Variants in ADAT1 observed in about 807,000 individuals in gnomAD.
The protein encoded by ADAT1 is adenosine deaminase tRNA specific 1.
In ADAT1, 58 loss-of-function variants were observed where a neutral mutation model predicts 58.6. The ratio of observed to expected loss-of-function variants is 0.99; its 90% confidence interval spans 0.80 to 1.23. The LOEUF (loss-of-function observed/expected upper bound fraction) is 1.23. Ranked by LOEUF, ADAT1 falls within the 50% of genes most tolerant of loss-of-function variation. The pLI, the probability that ADAT1 is intolerant of heterozygous loss-of-function variation, is 0.00. For synonymous variants in ADAT1, 254 were observed against 220.8 expected (o/e 1.15, Z -1.33); for missense variants, 741 against 608.6 (o/e 1.22, Z -2.29).
chr16:75,618,625 T>G lies in ADAT1; in HGVS notation c.254A>C (p.Asp85Ala), dbSNP rs1281224144. 1 of 1,612,706 alleles carries G rather than the reference T, an allele frequency of 6.2e-7. No homozygotes were observed. Among genetic ancestry groups the G allele is most frequent in the South Asian group, 1.1e-5 (1 of 90,982 alleles). The change falls in exon 4 of 10, where the codon GAT becomes GCT. Residue 85 changes from aspartate to alanine, a missense_variant. Physicochemically the swap from Asp to Ala is moderately radical, Grantham distance 126 (BLOSUM62 -2). Transcript: ENST00000564657. ...KMRKNGDILN[D>A]SHAEVIARRS... Reference sequence around the variant, plus strand: ...TCTGGCTATGACCTCAGCATGGCTATCATTGAGGATGTCTCCTGCGGCAAA... The same window carrying G: ...TCTGGCTATGACCTCAGCATGGCTAGCATTGAGGATGTCTCCTGCGGCAAA...
intron 8 of ADAT1, among the ~76,000 whole-genome samples, chr16:75,607,572 A>T (rs2081404692): frequency 1.3e-5 from 2 of 152,156 alleles, no homozygotes; most frequent in Admixed American, 1.3e-4. Context: ...TAAAAAAGAC[A>T]ATAACAAGTG....
At position 75,600,200 on chromosome 16, in the gene ADAT1, A is replaced by G; in HGVS notation, c.*16T>C. The G allele has an allele frequency of 6.2e-7, 1 of 1,613,982 alleles. No individual in the cohort carries two copies. Among genetic ancestry groups the G allele is most frequent in the Non-Finnish European group, 8.5e-7 (1 of 1,179,846 alleles). The stretch of plus-strand genomic sequence containing the variant: ...TCAGGATGAAGGGTCCTGCTACCAG[A>G]GCAAACATTTCCTTCTCACTTGAAC... On this transcript the variant is annotated 3_prime_UTR_variant, in exon 10 of 10. Transcript: ENST00000564657.
intron 3 of ADAT1, among the ~76,000 whole-genome samples, chr16:75,619,458 G>T (rs1460909032): frequency 6.6e-6 from 1 of 151,940 alleles, no homozygotes; most frequent in African/African-American, 2.4e-5. Flanking sequence ...GATCACTTGA[G>T]CCCAGGAGTT....
chr16:75,606,116 C>A (rs1567466979), intron 8 of ADAT1, among the ~76,000 whole-genome samples: 1 of 151,800 alleles, frequency 6.6e-6, no homozygotes, highest in Non-Finnish European at 1.5e-5. Context: ...CAATCCTCCA[C>A]CTCAGCCTCC....
chr16:75,603,560 C>T (rs1041546178), intron 8 of ADAT1, among the ~76,000 whole-genome samples: 1 of 152,164 alleles, frequency 6.6e-6, no homozygotes, highest in African/African-American at 2.4e-5. Flanking sequence ...CCTGTGTGAA[C>T]TGTCATTATA....
intron 5 of ADAT1, among the ~76,000 whole-genome samples, chr16:75,615,027 C>G (rs144529686): frequency 3.1e-4 from 47 of 152,172 alleles, no homozygotes; most frequent in African/African-American, 8.9e-4. Context: ...GAGTTCGAGA[C>G]CAGCCTGGCC....
At chr16:75,603,453 T>C (rs2081279644) in intron 8 of ADAT1, among the ~76,000 whole-genome samples, 1 of 152,192 alleles carries the variant, frequency 6.6e-6, no homozygotes, top group Non-Finnish European at 1.5e-5. Flanking sequence ...CCCCAGGATA[T>C]CTGTAAGACA....
intron 6 of ADAT1, 112 bp from the exon 7 acceptor site, chr16:75,609,100 T>C: frequency 7.8e-7 from 1 of 1,284,724 alleles, no homozygotes; most frequent in East Asian, 2.4e-5. Flanking sequence ...GGGATTTGTT[T>C]ATTTATTTGG....
intron 4 of ADAT1, 116 bp from the exon 5 acceptor site, chr16:75,617,388 G>A: frequency 8.7e-7 from 1 of 1,146,246 alleles, no homozygotes; most frequent in Non-Finnish European, 1.2e-6. Context: ...TGGTAGTGAT[G>A]GGGAATTATG....
intron 3 of ADAT1, chr16:75,619,719 T>C (rs534427495): frequency 1.4e-5 from 6 of 420,164 alleles, no homozygotes; most frequent in South Asian, 1.0e-4. Context: ...AAGACTAGCT[T>C]GGCCAGCATG....
At chr16:75,620,058 A>T (rs554360654) in intron 3 of ADAT1, among the ~76,000 whole-genome samples, 13 of 152,318 alleles carry the variant, frequency 8.5e-5, no homozygotes, top group African/African-American at 3.1e-4. Flanking sequence ...ACTTTCAGTT[A>T]TTCGGAAAGC....
rs747318492 is a variant in ADAT1 at position 75,620,267 on chromosome 16, G to A, written c.237C>T (p.Asn79=). 4.1e-5 allele frequency: 66 copies of A among 1,613,918 alleles called. 1 individual carries two copies. In the South Asian group the frequency reaches 6.1e-4, roughly 15 times the overall value. ...KCIGQSKMRK[N]GDILNDSHAE... ...GTTTAGATTCCCACCCGTGCTTACC[G>A]TTCTTCCTCATTTTGGACTGTCCTA... Residue 79 remains asparagine (N), a splice_region_variant and synonymous_variant, in exon 3 of 10, where the codon AAC becomes AAT. Coordinates refer to ENST00000564657, the MANE Select transcript of ADAT1 (RefSeq NM_001324445.2).
chr16:75,621,563 A>G (rs2081930495), intron 1 of ADAT1, among the ~76,000 whole-genome samples: 1 of 152,332 alleles, frequency 6.6e-6, no homozygotes, highest in East Asian at 1.9e-4. Context: ...TGAGGGTTAA[A>G]TAAGTAATAC....
intron 6 of ADAT1, among the ~76,000 whole-genome samples, chr16:75,610,095 C>G (rs558146613): frequency 6.6e-6 from 1 of 152,158 alleles, no homozygotes; most frequent in Non-Finnish European, 1.5e-5. Context: ...ATTTCTTTCA[C>G]TTAGCATTAT....
At chr16:75,617,926 A>T (rs924303783) in intron 4 of ADAT1, among the ~76,000 whole-genome samples, 1 of 150,520 alleles carries the variant, frequency 6.6e-6, no homozygotes, top group Non-Finnish European at 1.5e-5. Flanking sequence ...GTCTTTAAAA[A>T]AAAAAAAAAA....
At position 75,611,191 on chromosome 16, in the gene ADAT1, T is replaced by C. The variant is rs188318966; in HGVS notation, c.1043+1052A>G. Among the ~76,000 whole-genome samples the C allele has an allele frequency of 3.9e-5, 6 of 152,206 alleles. No individual in the cohort carries two copies. The East Asian group carries it at 9.6e-4, about 24-fold the overall frequency. ...ATATAATGGCAATGTATGTGCACTG[T>C]AGAAAAATCAGAAAATATATTAAAA... On this transcript the variant is annotated intron_variant, in intron 6 of 9. Transcript: ENST00000564657.
Position 75,597,506 on chromosome 16 carries a change from G to T in ADAT1, c.*2710C>A. 1 of 367,896 alleles carries T rather than the reference G, an allele frequency of 2.7e-6. No homozygotes were observed. The highest frequency in any genetic ancestry group is 3.2e-5 in the Admixed American group (1 of 31,426). 22.8% of individuals were successfully genotyped at this position (367,896 alleles called of 1,614,324 possible). On this transcript the variant is annotated 3_prime_UTR_variant, in exon 10 of 10. Transcript: ENST00000564657. Reference sequence around the variant, plus strand: ...GGCACCAGGGACTGGTTTCATGGAAGATAATTTTTCCACAGATCCGGGGTG... The same window carrying T: ...GGCACCAGGGACTGGTTTCATGGAATATAATTTTTCCACAGATCCGGGGTG...
Position 75,600,294 on chromosome 16 carries a change from C to T in ADAT1, c.1431G>A (p.Gln477=), listed in dbSNP as rs75248264. 755 of 1,614,136 alleles carry T rather than the reference C, an allele frequency of 4.7e-4. 7 individuals carry two copies. In the East Asian group the frequency reaches 0.016, roughly 34 times the overall value. The change falls in exon 10 of 10, where the codon CAG becomes CAA. Residue 477 remains glutamine, a synonymous_variant. Coordinates refer to ENST00000564657, the MANE Select transcript of ADAT1 (RefSeq NM_001324445.2). ...GCTTCCGGAGTGTGCTCCAGGCTTC[C>T]TGGTAAGAGGACGCAGCCTCCTTGT... ...QEYKEAASSY[Q]EAWSTLRKQV... is the part of the protein sequence containing the mutation.
chr16:75,622,003 A>T (rs1370619862), intron 1 of ADAT1, among the ~76,000 whole-genome samples: 1 of 152,176 alleles, frequency 6.6e-6, no homozygotes, highest in Non-Finnish European at 1.5e-5. Flanking sequence ...CAAAAAAATT[A>T]GCCGGGCGTG....
Sources: gnomAD v4.1 joint callset for allele counts (sites outside exome capture counted in the v4.1 genomes callset) on GRCh38, gnomAD v4.1.1 for gene constraint, MANE v1.5 for transcripts, NCBI Gene and HGNC (gene_info 2026-07-23, HGNC 2026-07-21) for gene names.